SORCS1: variants seen among roughly 807,000 people sequenced by gnomAD.
SORCS1 encodes the protein VPS10 domain-containing receptor SorCS1.
A neutral mutation model predicts 146.1 loss-of-function variants in SORCS1; 60 were observed. That is an observed-to-expected ratio of 0.41 (90% CI 0.33 to 0.51). SORCS1 has a LOEUF of 0.51. SORCS1 is among the 20% of genes least tolerant of loss of function. The probability of loss-of-function intolerance (pLI) is 0.21; values close to 1 mark genes in which losing one functional copy is unlikely to be tolerated. For missense variants in SORCS1, 1,352 were observed against 1,487.6 expected, an observed-to-expected ratio of 0.91 and a Z score of 1.50; for synonymous variants, 637 against 584.0, an observed-to-expected ratio of 1.09 and a Z score of -1.31.
At chr10:107,154,116 A>G (rs1969075065) in intron 1 of SORCS1, among the ~76,000 whole-genome samples, 1 of 149,384 alleles carries the variant, frequency 6.7e-6, no homozygotes, top group African/African-American at 2.5e-5. Context: ...GGTTCAAGCA[A>G]TTCTCCTGCC....
intron 1 of SORCS1, among the ~76,000 whole-genome samples, chr10:106,966,732 C>A (rs1955512336): frequency 6.6e-6 from 1 of 152,062 alleles, no homozygotes; most frequent in Admixed American, 6.6e-5. Flanking sequence ...TCCACAGAGC[C>A]AGAGGTCATT....
intron 18 of SORCS1, among the ~76,000 whole-genome samples, chr10:106,633,747 T>C (rs557353233): frequency 2.0e-4 from 30 of 152,336 alleles, no homozygotes; most frequent in African/African-American, 6.5e-4. Flanking sequence ...TCATAGTTTA[T>C]TGGTTTTGAA....
intron 2 of SORCS1, among the ~76,000 whole-genome samples, chr10:106,836,456 T>C (rs1461412240): frequency 2.4e-5 from 3 of 125,978 alleles, no homozygotes; most frequent in Admixed American, 1.0e-4. Context: ...GCCTGGGCGA[T>C]AGAGCGAGAC....
intron 3 of SORCS1, among the ~76,000 whole-genome samples, chr10:106,805,686 T>C (rs1947126462): frequency 6.6e-6 from 1 of 152,166 alleles, no homozygotes; most frequent in Non-Finnish European, 1.5e-5. Flanking sequence ...TATTTGCCTA[T>C]ATGGTATCTG....
chr10:106,587,968 G>A (rs1473515564), intron 24 of SORCS1, among the ~76,000 whole-genome samples: 1 of 152,146 alleles, frequency 6.6e-6, no homozygotes, highest in Non-Finnish European at 1.5e-5. Context: ...CGACCAAACT[G>A]GAAAGCCCAG....
At chr10:106,919,182 A>G (rs1173444490) in intron 2 of SORCS1, among the ~76,000 whole-genome samples, 2 of 152,150 alleles carry the variant, frequency 1.3e-5, no homozygotes, top group African/African-American at 2.4e-5. Flanking sequence ...GACCACTTAA[A>G]TACTTCTATT....
intron 24 of SORCS1, among the ~76,000 whole-genome samples, chr10:106,586,102 A>G (rs1471426592): frequency 6.6e-6 from 1 of 152,260 alleles, no homozygotes; most frequent in Non-Finnish European, 1.5e-5. Context: ...AGTCTCTTTC[A>G]ACTGGTTAAA....
In SORCS1 at chr10:106,800,795, T is replaced by C. The variant is rs557624723; in HGVS notation, c.727-24103A>G. On this transcript the variant is annotated intron_variant, in intron 3 of 25. Transcript: ENST00000263054. ...TGACCTTGTGATCTGCCTGCCGCAG[T>C]CTCCCAAAGTGCTGGGATTACAGGC... Among the ~76,000 whole-genome samples, 59 of 152,120 alleles carry C rather than the reference T, an allele frequency of 3.9e-4. 1 individual carries two copies. In the South Asian group the frequency reaches 0.012, roughly 31 times the overall value.
At chr10:106,596,945 G>A (rs1056221963) in intron 24 of SORCS1, among the ~76,000 whole-genome samples, 2 of 152,034 alleles carry the variant, frequency 1.3e-5, no homozygotes, top group Admixed American at 1.3e-4. Flanking sequence ...TCTGCCTCCC[G>A]GGTTCAAGCG....
At chr10:106,715,647 T>C (rs991647709) in intron 6 of SORCS1, among the ~76,000 whole-genome samples, 1 of 152,256 alleles carries the variant, frequency 6.6e-6, no homozygotes, top group African/African-American at 2.4e-5. Context: ...CACATAATGA[T>C]AGCTGTAGTT....
intron 2 of SORCS1, among the ~76,000 whole-genome samples, chr10:106,861,479 C>A (rs1315834831): frequency 3.3e-5 from 5 of 151,768 alleles, no homozygotes; most frequent in African/African-American, 1.2e-4. Context: ...GCTCTCCTAG[C>A]TTTTCCATCA....
intron 2 of SORCS1, among the ~76,000 whole-genome samples, chr10:106,927,849 T>C (rs1425548845): frequency 2.6e-5 from 4 of 151,828 alleles, no homozygotes; most frequent in East Asian, 1.9e-4. Flanking sequence ...AGAGTGCCGA[T>C]TGGTGTCTCA....
rs192374842 is a variant in SORCS1 at position 107,047,259 on chromosome 10, G to A, written c.559-90679C>T. Among the ~76,000 whole-genome samples, 285 of 152,256 alleles carry A rather than the reference G, an allele frequency of 1.9e-3. 1 individual carries two copies. Among genetic ancestry groups the A allele is most frequent in the African/African-American group, 6.7e-3 (280 of 41,562 alleles). On this transcript the variant is annotated intron_variant, in intron 1 of 25. Transcript: ENST00000263054. The stretch of plus-strand genomic sequence containing the variant: ...CCACCTCGGCCTCCCAAAGTGCTGG[G>A]ATTACAGGCATGAGCCACCATGCCC...
intron 1 of SORCS1, among the ~76,000 whole-genome samples, chr10:107,150,625 CT>C (rs1968710627): frequency 6.6e-6 from 1 of 152,218 alleles, no homozygotes. Context: ...TTGGCTGTGT[CT>C]CCATCCAAAT....
intron 3 of SORCS1, among the ~76,000 whole-genome samples, chr10:106,805,088 C>G (rs1265851589): frequency 6.6e-6 from 1 of 152,156 alleles, no homozygotes; most frequent in Non-Finnish European, 1.5e-5. Flanking sequence ...TATCACTCCC[C>G]AGGCCTTCCA....
chr10:106,852,433 TCCTGGCCAACATGGTGAAAC>T (rs1949621378), intron 2 of SORCS1, among the ~76,000 whole-genome samples: 1 of 151,856 alleles, frequency 6.6e-6, no homozygotes, highest in South Asian at 2.1e-4. Context: ...ATCAAGACCA[TCCTGGCCAACATGGTGAAAC>T]CCTGTCTCTA....
intron 3 of SORCS1, among the ~76,000 whole-genome samples, chr10:106,818,462 T>G (rs1947852741): frequency 6.6e-6 from 1 of 151,674 alleles, no homozygotes; most frequent in Non-Finnish European, 1.5e-5. Context: ...ACCTCCCAGG[T>G]TCAAGTGATC....
chr10:106,939,172 A>C lies in SORCS1; in HGVS notation c.626+17341T>G, dbSNP rs553931714. Among the ~76,000 whole-genome samples, 6 of 152,354 alleles carry C rather than the reference A, an allele frequency of 3.9e-5. No homozygotes were observed. In the East Asian group the frequency reaches 1.2e-3, roughly 29 times the overall value. ...GAAAACTGACATCACAATAAATACCAATCAAGTTCCAAAGATTTCCGGACA... is the reference window on the plus strand; with the variant it reads ...GAAAACTGACATCACAATAAATACCCATCAAGTTCCAAAGATTTCCGGACA... On this transcript the variant is annotated intron_variant, in intron 2 of 25. Coordinates refer to ENST00000263054, the MANE Select transcript of SORCS1 (RefSeq NM_052918.5).
intron 1 of SORCS1, among the ~76,000 whole-genome samples, chr10:106,985,126 G>T (rs996290490): frequency 6.6e-6 from 1 of 152,106 alleles, no homozygotes; most frequent in South Asian, 2.1e-4. Flanking sequence ...GGTGGAAGTT[G>T]CAGTGAGCCA....
Sources: gnomAD v4.1 joint callset for allele counts (sites outside exome capture counted in the v4.1 genomes callset) on GRCh38, gnomAD v4.1.1 for gene constraint, MANE v1.5 for transcripts, NCBI Gene and HGNC (gene_info 2026-07-23, HGNC 2026-07-21) for gene names.